The following KDM4C variants were observed in gnomAD, a reference collection of about 807,000 sequenced individuals.
KDM4C encodes the protein lysine demethylase 4C, also known as lysine-specific demethylase 4C.
A neutral mutation model predicts 129.3 loss-of-function variants in KDM4C; 81 were observed. The ratio of observed to expected loss-of-function variants is 0.63; its 90% CI spans 0.52 to 0.75. The LOEUF is 0.75. Among genes scored for constraint, KDM4C ranks in the 30% least tolerant of loss-of-function variants. The pLI is 0.00. For synonymous variants in KDM4C, 573 were observed against 456.1 expected (o/e 1.26, Z -3.26); for missense variants, 1,457 against 1,304.0 (o/e 1.12, Z -1.81).
At chr9:7,049,748 T>A (rs958759215) in intron 17 of KDM4C, among the ~76,000 whole-genome samples, 3 of 152,144 alleles carry the variant, frequency 2.0e-5, no homozygotes, top group African/African-American at 7.2e-5. Context: ...TCCCATTGGT[T>A]TCTGTTAAGA....
chr9:6,845,491 A>G (rs1017099772), intron 4 of KDM4C, among the ~76,000 whole-genome samples: 4 of 152,182 alleles, frequency 2.6e-5, no homozygotes, highest in Non-Finnish European at 5.9e-5. Flanking sequence ...TTGGGATTAC[A>G]GGCATGAGCC....
intron 5 of KDM4C, among the ~76,000 whole-genome samples, chr9:6,863,486 A>ACAGAGATCACATGGTAAGATC (rs1841344097): frequency 6.6e-6 from 1 of 152,086 alleles, no homozygotes; most frequent in African/African-American, 2.4e-5. Context: ...GCCAGCATGT[A>ACAGAGATCACATGGTAAGATC]CAGAGATCAC....
chr9:6,847,665 C>T (rs1588670151), intron 4 of KDM4C, among the ~76,000 whole-genome samples: 1 of 152,220 alleles, frequency 6.6e-6, no homozygotes, highest in East Asian at 1.9e-4. Flanking sequence ...GCTGGGATTA[C>T]AGGCGTGAGT....
chr9:6,792,530 A>G (rs1006443308), intron 1 of KDM4C, among the ~76,000 whole-genome samples: 4 of 151,718 alleles, frequency 2.6e-5, no homozygotes, highest in East Asian at 2.0e-4. Context: ...CTGGGATTAC[A>G]GGCATGTACC....
intron 3 of KDM4C, among the ~76,000 whole-genome samples, chr9:6,813,578 TA>T (rs1482237630): frequency 6.6e-6 from 1 of 152,226 alleles, no homozygotes; most frequent in Non-Finnish European, 1.5e-5. Context: ...CTACTACTGC[TA>T]AATACCTTTT....
rs1025740130 is a variant in KDM4C at position 6,807,527 on chromosome 9, C to T, written c.320+1753C>T. 3.4e-5 allele frequency among the ~76,000 whole-genome samples: 5 copies of T among 147,054 alleles called. 1 individual carries two copies. The highest frequency in any genetic ancestry group is 1.3e-4 in the African/African-American group (5 of 39,542). ...GTCTGAGATGTGGGGAGCGCCTCTG[C>T]CCCGCCGCCCCATCTGGGATGTGAG... is the stretch of plus-strand genomic sequence containing the variant. On this transcript the variant is annotated intron_variant, in intron 3 of 21. Transcript: ENST00000381309.
chr9:6,808,900 T>C (rs900486839), intron 3 of KDM4C, among the ~76,000 whole-genome samples: 2 of 151,998 alleles, frequency 1.3e-5, no homozygotes, highest in East Asian at 1.9e-4. Context: ...AATTCTGATA[T>C]GATAATTAAG....
chr9:6,800,025 C>G (rs765970804), intron 2 of KDM4C, among the ~76,000 whole-genome samples: 1 of 151,632 alleles, frequency 6.6e-6, no homozygotes, highest in Non-Finnish European at 1.5e-5. Flanking sequence ...GAGTTCGAGA[C>G]CAGCCCTGGC....
intron 4 of KDM4C, chr9:6,835,438 A>G: frequency 1.7e-6 from 2 of 1,180,470 alleles, no homozygotes; most frequent in Admixed American, 1.7e-5. Context: ...GATCAAGATC[A>G]TTGCTCCTCC....
intron 8 of KDM4C, among the ~76,000 whole-genome samples, chr9:6,918,646 G>C (rs1397614146): frequency 6.6e-6 from 1 of 152,140 alleles, no homozygotes; most frequent in Non-Finnish European, 1.5e-5. Context: ...AGCAGTGTAT[G>C]TGTTCCCCCT....
chr9:7,147,104 C>T (rs1295523100), intron 19 of KDM4C, among the ~76,000 whole-genome samples: 1 of 152,166 alleles, frequency 6.6e-6, no homozygotes, highest in South Asian at 2.1e-4. Flanking sequence ...GCATTAATAT[C>T]GCCATTTGAT....
intron 15 of KDM4C, among the ~76,000 whole-genome samples, chr9:7,026,431 C>G (rs369334893): frequency 1.3e-5 from 2 of 152,156 alleles, no homozygotes; most frequent in East Asian, 3.9e-4. Flanking sequence ...TAGGTTTTCA[C>G]TGAAAAATCT....
intron 5 of KDM4C, 105 bp downstream of exon 5, chr9:6,849,805 T>C (rs1305256864): frequency 4.3e-6 from 4 of 921,568 alleles, no homozygotes; most frequent in African/African-American, 3.3e-5. Context: ...TTCAGATTTA[T>C]GTGAGCTGTA....
intron 8 of KDM4C, among the ~76,000 whole-genome samples, chr9:6,910,241 AATAT>A (rs1192893935): frequency 6.6e-6 from 1 of 152,162 alleles, no homozygotes; most frequent in Non-Finnish European, 1.5e-5. Context: ...GCACTACATT[AATAT>A]ATAAAGAAAT....
chr9:6,803,614 C>G (rs182497361), intron 2 of KDM4C, among the ~76,000 whole-genome samples: 81 of 150,892 alleles, frequency 5.4e-4, no homozygotes, highest in African/African-American at 1.8e-3. Context: ...AAAAAAACTT[C>G]TAAAGGTGGT....
chr9:6,991,702 C>G (rs532575199), intron 12 of KDM4C, among the ~76,000 whole-genome samples: 1 of 152,098 alleles, frequency 6.6e-6, no homozygotes. Context: ...TTTTTTCCCC[C>G]TTTCACTCAC....
intron 19 of KDM4C, among the ~76,000 whole-genome samples, chr9:7,143,073 C>G (rs1384989651): frequency 6.6e-6 from 1 of 152,212 alleles, no homozygotes; most frequent in Non-Finnish European, 1.5e-5. Context: ...GTCCCACTCC[C>G]TCCCCTCCCA....
At chr9:6,846,361 A>G (rs1167636367) in intron 4 of KDM4C, among the ~76,000 whole-genome samples, 1 of 152,218 alleles carries the variant, frequency 6.6e-6, no homozygotes, top group Non-Finnish European at 1.5e-5. Flanking sequence ...ACAAGTGTGT[A>G]TAGTGTAATG....
At chr9:6,757,604 C>G (rs1818439070), upstream of KDM4C, 7 of 984,238 alleles carry the variant, frequency 7.1e-6, no homozygotes, top group Non-Finnish European at 8.4e-6. Context: ...AGGCTCCACC[C>G]CGGTAACGCC....
Sources: gnomAD v4.1 joint callset for allele counts (sites outside exome capture counted in the v4.1 genomes callset) on GRCh38, gnomAD v4.1.1 for gene constraint, MANE v1.5 for transcripts, NCBI Gene and HGNC (gene_info 2026-07-23, HGNC 2026-07-21) for gene names.